The following CHD7 variants were observed in gnomAD, a reference collection of about 807,000 sequenced individuals.
CHD7 encodes the protein chromodomain helicase DNA binding protein 7.
CHD7 carries 24 observed loss-of-function variants against 307.3 expected under a neutral mutation model. The ratio of observed to expected loss-of-function variants is 0.08; its 90% CI spans 0.06 to 0.11. CHD7 has a LOEUF of 0.11. Among genes scored for constraint, CHD7 ranks in the 10% least tolerant of loss-of-function variants. CHD7 has a pLI of 1.00. For synonymous variants in CHD7, 1,363 were observed against 1,349.9 expected, an observed-to-expected ratio of 1.01 and a Z score of -0.21; for missense variants, 3,106 against 3,727.1, an observed-to-expected ratio of 0.83 and a Z score of 4.34.
intron 3 of CHD7, among the ~76,000 whole-genome samples, chr8:60,787,743 C>G (rs1811562436): frequency 6.6e-6 from 1 of 151,848 alleles, no homozygotes; most frequent in Non-Finnish European, 1.5e-5. Flanking sequence ...TCAGATAACA[C>G]ATTAGCTAAC....
intron 37 of CHD7, chr8:60,862,922 G>C (rs1806071110): frequency 2.5e-6 from 1 of 405,056 alleles, no homozygotes; most frequent in Admixed American, 4.1e-5. Flanking sequence ...GATTGCCCCA[G>C]CTAAGCCTAC....
chr8:60,864,680 A>G lies in CHD7; in HGVS notation c.8077-336A>G, dbSNP rs140873441. Reference sequence around the variant, plus strand: ...GACTGTGTAGTCACCCTGTTGTGTTATCAAAAACTAGATCTTACTCATCCT... The same window carrying G: ...GACTGTGTAGTCACCCTGTTGTGTTGTCAAAAACTAGATCTTACTCATCCT... On this transcript the variant is annotated intron_variant, in intron 37 of 37. Transcript: ENST00000423902. 1.3e-4 allele frequency: 36 copies of G among 273,582 alleles called. 2 individuals are homozygous for G. In the East Asian group the frequency reaches 3.1e-3, roughly 23 times the overall value. 16.9% of individuals were successfully genotyped at this position (273,582 alleles called of 1,614,324 possible).
chr8:60,867,468 C>T lies in CHD7; in HGVS notation c.*1535C>T, dbSNP rs1309596454. ...TCAGGAGCTACTGATTTGTGGACCC[C>T]TTTTTGACCTTTGGTATTTAAAGTA... On this transcript the variant is annotated 3_prime_UTR_variant, in exon 38 of 38. Transcript: ENST00000423902. 1 of 152,240 alleles carries T rather than the reference C, an allele frequency of 6.6e-6. No individual in the cohort carries two copies. Among genetic ancestry groups the T allele is most frequent in the Non-Finnish European group, 1.5e-5 (1 of 68,046 alleles). The allele number at this position is 152,240 out of a possible 1,614,324, so 9.4% of individuals were successfully genotyped here. A position where few individuals can be genotyped will look rare whatever the true frequency, so the allele number is the denominator to read the frequency against.
intron 2 of CHD7, among the ~76,000 whole-genome samples, chr8:60,750,673 A>G (rs773648112): frequency 4.6e-5 from 7 of 152,242 alleles, no homozygotes; most frequent in African/African-American, 1.2e-4. Context: ...TTACGCAAGA[A>G]TTTAAAACCT....
intron 2 of CHD7, among the ~76,000 whole-genome samples, chr8:60,776,692 T>A (rs573660414): frequency 6.6e-6 from 1 of 152,312 alleles, no homozygotes; most frequent in South Asian, 2.1e-4. Context: ...TCTTCTTTTT[T>A]ATCAGTGTCA....
At chr8:60,679,977 CG>C (rs1805510393) in intron 1 of CHD7, among the ~76,000 whole-genome samples, 1 of 151,758 alleles carries the variant, frequency 6.6e-6, no homozygotes, top group Admixed American at 6.5e-5. Flanking sequence ...AGAAAGGGAG[CG>C]GGGCCGGGGC....
chr8:60,742,693 C>T lies in CHD7; in HGVS notation c.1261C>T (p.Pro421Ser), dbSNP rs758228667. ...AGTCAGGCCGGGAAGTGCTGGGATA[C>T]CAATGGAAGTTGGCAGTTATCCAAA... Reference protein sequence around the residue: ...PQVRPGSAGIPMEVGSYPNMP... With the variant: ...PQVRPGSAGISMEVGSYPNMP... Residue 421 changes from proline (P) to serine (S), a missense_variant, in exon 2 of 38, where the codon CCA becomes TCA. This residue lies in a region of CHD7 where 998 missense variants were observed against 1,004.5 expected (regional missense o/e 0.99). Transcript: ENST00000423902. The T allele has an allele frequency of 1.2e-6, 2 of 1,611,982 alleles. No individual in the cohort carries two copies. The highest frequency in any genetic ancestry group is 4.5e-5 in the East Asian group (2 of 44,868).
At chr8:60,835,226 C>G (rs1284308232) in intron 15 of CHD7, among the ~76,000 whole-genome samples, 1 of 152,110 alleles carries the variant, frequency 6.6e-6, no homozygotes, top group South Asian at 2.1e-4. Flanking sequence ...CCTAAATAAG[C>G]GTGTGTCAGG....
At chr8:60,720,625 G>GATGCATCT (rs1158252407) in intron 1 of CHD7, among the ~76,000 whole-genome samples, 1 of 152,180 alleles carries the variant, frequency 6.6e-6, no homozygotes, top group Non-Finnish European at 1.5e-5. Context: ...ATCTCCGTGA[G>GATGCATCT]CCTGTGCACC....
intron 1 of CHD7, among the ~76,000 whole-genome samples, chr8:60,700,990 G>A (rs1161921969): frequency 6.6e-6 from 1 of 152,222 alleles, no homozygotes; most frequent in Non-Finnish European, 1.5e-5. Context: ...TGAGCTGAGT[G>A]AGGTTGTGAT....
At chr8:60,715,556 G>A (rs1807556523) in intron 1 of CHD7, among the ~76,000 whole-genome samples, 1 of 151,808 alleles carries the variant, frequency 6.6e-6, no homozygotes, top group Non-Finnish European at 1.5e-5. Flanking sequence ...TGATCTCAGG[G>A]GATCCGCCTG....
intron 3 of CHD7, among the ~76,000 whole-genome samples, chr8:60,791,411 T>G (rs1040970709): frequency 6.6e-6 from 1 of 152,224 alleles, no homozygotes; most frequent in Non-Finnish European, 1.5e-5. Flanking sequence ...GTTCTGTATC[T>G]GCGTCAAGCA....
Position 60,763,074 on chromosome 8 carries a change from C to T in CHD7, c.1666-17926C>T, listed in dbSNP as rs968210643. Among the ~76,000 whole-genome samples, 8 of 151,986 alleles carry T rather than the reference C, an allele frequency of 5.3e-5. No homozygotes were observed. The East Asian group carries it at 5.8e-4, about 11-fold the overall frequency. ...GAAATGGGAGTCATGCTGGGCAGGT[C>T]GGTCCAGTGAGGGGAGCAGGGTGTG... On this transcript the variant is annotated intron_variant, in intron 2 of 37. Coordinates refer to ENST00000423902, the MANE Select transcript of CHD7 (RefSeq NM_017780.4).
At chr8:60,696,443 C>T (rs549391368) in intron 1 of CHD7, among the ~76,000 whole-genome samples, 39 of 152,108 alleles carry the variant, frequency 2.6e-4, no homozygotes, top group Admixed American at 7.2e-4. Context: ...GACCACAGGC[C>T]AATTACTTAA....
chr8:60,750,707 G>T (rs1483209), intron 2 of CHD7, among the ~76,000 whole-genome samples: 2 of 152,218 alleles, frequency 1.3e-5, no homozygotes, highest in Middle Eastern at 3.4e-3. Flanking sequence ...CACAGATTGC[G>T]TGAGCTGCAT....
intron 1 of CHD7, among the ~76,000 whole-genome samples, chr8:60,694,826 G>A (rs1201614336): frequency 6.6e-6 from 1 of 152,222 alleles, no homozygotes; most frequent in Non-Finnish European, 1.5e-5. Flanking sequence ...TGGATAGATA[G>A]GGAGAGGTTG....
chr8:60,791,659 T>G (rs143699562), intron 3 of CHD7, among the ~76,000 whole-genome samples: 4 of 152,214 alleles, frequency 2.6e-5, no homozygotes, highest in Non-Finnish European at 5.9e-5. Context: ...TCTCCACCGG[T>G]CTGATGTTGT....
chr8:60,853,133 G>A lies in CHD7; in HGVS notation c.6408G>A (p.Gly2136=). ...ATAAAAACTTTGCTCAAAACAGAGG[G>A]GCAGGTAATACATCTTCCTTGAACC... ...DAHKNFAQNR[G]AGNTSSLNPL... is the part of the protein sequence containing the mutation. The change falls in exon 31 of 38, where the codon GGG becomes GGA. Residue 2136 remains glycine, a synonymous_variant. Coordinates refer to ENST00000423902, the MANE Select transcript of CHD7 (RefSeq NM_017780.4). 1.2e-6 allele frequency: 2 copies of A among 1,613,908 alleles called. No homozygotes were observed. Among genetic ancestry groups the A allele is most frequent in the Non-Finnish European group, 8.5e-7 (1 of 1,179,882 alleles).
chr8:60,725,838 T>G (rs1808133996), intron 1 of CHD7, among the ~76,000 whole-genome samples: 1 of 152,174 alleles, frequency 6.6e-6, no homozygotes, highest in Admixed American at 6.5e-5. Context: ...CACTCCAGGC[T>G]TATGGGACTG....
Sources: gnomAD v4.1 joint callset for allele counts (sites outside exome capture counted in the v4.1 genomes callset) on GRCh38, gnomAD v4.1.1 for gene constraint, gnomAD v4.1.1 regional missense constraint, MANE v1.5 for transcripts, NCBI Gene and HGNC (gene_info 2026-07-23, HGNC 2026-07-21) for gene names.